Variants in EXOC6 observed in about 807,000 individuals in gnomAD.
The protein encoded by EXOC6 is exocyst complex component 6.
Under a neutral mutation model 112.5 loss-of-function variants are expected in EXOC6, and 60 were observed. That is an observed-to-expected ratio of 0.53 (90% CI 0.43 to 0.66). EXOC6 has a LOEUF of 0.66. Among genes scored for constraint, EXOC6 ranks in the 30% least tolerant of loss-of-function variants. The probability of loss-of-function intolerance (pLI) is 0.00; values close to 1 mark genes in which losing one functional copy is unlikely to be tolerated. For synonymous variants in EXOC6, 295 were observed against 308.0 expected, an observed-to-expected ratio of 0.96 and a Z score of 0.44; for missense variants, 855 against 957.1, an observed-to-expected ratio of 0.89 and a Z score of 1.41.
At chr10:92,928,624 A>G (rs1402200482) in intron 9 of EXOC6, among the ~76,000 whole-genome samples, 1 of 151,844 alleles carries the variant, frequency 6.6e-6, no homozygotes, top group Non-Finnish European at 1.5e-5. Flanking sequence ...CTTACATTCT[A>G]TTAGGAAAGA....
chr10:92,861,693 A>G (rs1847919363), intron 1 of EXOC6, among the ~76,000 whole-genome samples: 1 of 152,152 alleles, frequency 6.6e-6, no homozygotes, highest in African/African-American at 2.4e-5. Flanking sequence ...GGTGGTTGGG[A>G]AAAGGTGGAT....
At chr10:92,894,180 A>G (rs982415524) in intron 2 of EXOC6, among the ~76,000 whole-genome samples, 6 of 152,220 alleles carry the variant, frequency 3.9e-5, no homozygotes, top group Non-Finnish European at 4.4e-5. Context: ...GACTAACTAC[A>G]GCATCAATGA....
chr10:92,968,950 C>T (rs527678927), intron 17 of EXOC6, among the ~76,000 whole-genome samples: 40 of 152,058 alleles, frequency 2.6e-4, no homozygotes, highest in African/African-American at 7.5e-4. Context: ...GTCATTTCTT[C>T]GTTACTCATT....
At chr10:93,027,001 A>T in intron 20 of EXOC6, among the ~76,000 whole-genome samples, 1 of 152,230 alleles carries the variant, frequency 6.6e-6, no homozygotes, top group East Asian at 1.9e-4. Flanking sequence ...CTTGCACCAA[A>T]CAGCCAAGGT....
intron 5 of EXOC6, among the ~76,000 whole-genome samples, chr10:92,906,092 G>A (rs921189516): frequency 2.0e-5 from 3 of 152,096 alleles, no homozygotes; most frequent in African/African-American, 7.2e-5. Context: ...ATTATGTAAT[G>A]TTCGTTATCC....
chr10:93,050,759 CAAAAAAAA>C (rs58439083), intron 20 of EXOC6, among the ~76,000 whole-genome samples: 3 of 37,306 alleles, frequency 8.0e-5, no homozygotes, highest in Non-Finnish European at 8.8e-5. Context: ...GACTCCGTCT[CAAAAAAAA>C]AAAAAAAAAA....
At chr10:92,911,938 CGTGTGT>C (rs72368133) in intron 6 of EXOC6, among the ~76,000 whole-genome samples, 21,919 of 135,960 alleles carry the variant, frequency 0.16, 1,715 homozygotes, top group Admixed American at 0.26. Context: ...TCTCTGTGTG[CGTGTGT>C]GTGTGTGTGT....
chr10:92,938,370 T>C (rs1852472078), intron 12 of EXOC6, among the ~76,000 whole-genome samples: 2 of 152,142 alleles, frequency 1.3e-5, no homozygotes, highest in Admixed American at 1.3e-4. Flanking sequence ...AGGTCTATCT[T>C]ATACTGAATT....
rs780777190 is a variant in EXOC6, at chr10:92,909,408, C to CT, written c.459-13dup. ...TGATAAGAACTTTTTATAGAGTTTT[C>CT]TTTTTTAACTTCTCACAGGTACTAT... On this transcript the variant is annotated intron_variant, in intron 5 of 21. Coordinates refer to ENST00000260762, the MANE Select transcript of EXOC6 (RefSeq NM_019053.6). The CT allele has an allele frequency of 1.4e-5, 21 of 1,543,544 alleles. No homozygotes were observed. In the African/African-American group the frequency reaches 2.4e-4, roughly 17 times the overall value.
intron 13 of EXOC6, among the ~76,000 whole-genome samples, chr10:92,943,707 CTTA>C (rs1852804691): frequency 7.3e-6 from 1 of 137,500 alleles, no homozygotes; most frequent in African/African-American, 2.8e-5. Context: ...ACCTCACGTA[CTTA>C]TTTTTTTTTT....
At chr10:92,930,889 G>A (rs574236059) in intron 9 of EXOC6, among the ~76,000 whole-genome samples, 24 of 152,078 alleles carry the variant, frequency 1.6e-4, no homozygotes, top group Admixed American at 2.6e-4. Flanking sequence ...CAAGGCGGGC[G>A]GATCATGAGG....
intron 20 of EXOC6, among the ~76,000 whole-genome samples, chr10:93,027,342 A>G (rs1179392505): frequency 6.6e-6 from 1 of 152,234 alleles, no homozygotes; most frequent in African/African-American, 2.4e-5. Context: ...GCTAATGGAG[A>G]GGCTACAGCA....
chr10:92,931,171 A>G (rs1415733279), intron 9 of EXOC6, among the ~76,000 whole-genome samples: 1 of 151,772 alleles, frequency 6.6e-6, no homozygotes, highest in African/African-American at 2.4e-5. Context: ...GGACTTGGAG[A>G]AAATATTTGC....
chr10:92,958,800 A>G (rs993993751), intron 17 of EXOC6, among the ~76,000 whole-genome samples: 3 of 152,192 alleles, frequency 2.0e-5, no homozygotes, highest in African/African-American at 4.8e-5. Flanking sequence ...CTTACTATAA[A>G]GCTGTAGTAA....
At chr10:93,013,936 CCCT>C (rs2134235556) in intron 19 of EXOC6, among the ~76,000 whole-genome samples, 1 of 152,198 alleles carries the variant, frequency 6.6e-6, no homozygotes, top group Admixed American at 6.5e-5. Flanking sequence ...AGTAAGAAAA[CCCT>C]CCTAAATTTA....
In EXOC6 at chr10:92,851,581, C is replaced by T. The variant is rs561071619; in HGVS notation, c.101+2947C>T. On this transcript the variant is annotated intron_variant, in intron 1 of 21. Coordinates refer to ENST00000260762, the MANE Select transcript of EXOC6 (RefSeq NM_019053.6). The stretch of plus-strand genomic sequence containing the variant: ...AGGAGAATCGCTTGAATCCGGGAGG[C>T]GGAGGTTGCAGTGAGCCGAGATTAT... Among the ~76,000 whole-genome samples the T allele has an allele frequency of 1.3e-4, 19 of 151,470 alleles. 1 individual carries two copies. Among genetic ancestry groups the T allele is most frequent in the Admixed American group, 2.0e-4 (3 of 15,196 alleles).
intron 1 of EXOC6, among the ~76,000 whole-genome samples, chr10:92,876,417 G>A (rs1287002720): frequency 2.6e-5 from 4 of 152,216 alleles, no homozygotes; most frequent in African/African-American, 9.6e-5. Context: ...GGGATAGATA[G>A]ATTAGGTCAT....
intron 1 of EXOC6, among the ~76,000 whole-genome samples, chr10:92,827,474 CA>C (rs60863083): frequency 0.027 from 876 of 33,044 alleles, 1 homozygote; most frequent in East Asian, 0.09. Context: ...GCCCTGTTGC[CA>C]AAAAAAAAAA....
At chr10:93,003,616 A>G (rs1209588119) in intron 19 of EXOC6, among the ~76,000 whole-genome samples, 4 of 152,066 alleles carry the variant, frequency 2.6e-5, no homozygotes, top group Admixed American at 1.3e-4. Context: ...ACGAGAACCT[A>G]TTATATGTTT....
Sources: allele counts gnomAD v4.1 joint callset (sites outside exome capture counted in the v4.1 genomes callset), GRCh38; gene constraint gnomAD v4.1.1; transcripts MANE v1.5; gene names NCBI Gene and HGNC (gene_info 2026-07-23, HGNC 2026-07-21).